Variants in PACRG observed in about 807,000 individuals in gnomAD.
PACRG encodes parkin coregulated.
In PACRG, 29 loss-of-function variants were observed where a neutral mutation model predicts 29.7. The observed-to-expected ratio is 0.98, with a 90% CI of 0.73 to 1.33. PACRG has a LOEUF of 1.33. Among genes scored for constraint, PACRG ranks in the 40% most tolerant of loss-of-function variants. PACRG has a pLI of 0.00. For missense variants in PACRG, 279 were observed against 316.2 expected (o/e 0.88, Z 0.89); for synonymous variants, 116 against 118.7 (o/e 0.98, Z 0.15).
rs553351270 is a variant in PACRG, at chr6:163,101,060, A to C, written c.613+11652A>C. 4.1e-6 allele frequency: 4 copies of C among 982,438 alleles called. No individual in the cohort carries two copies. In the African/African-American group the frequency reaches 7.0e-5, roughly 17 times the overall value. 60.9% of individuals were successfully genotyped at this position (982,438 alleles called of 1,614,324 possible). On this transcript the variant is annotated intron_variant, in intron 4 of 4. Transcript: ENST00000366888. The stretch of plus-strand genomic sequence containing the variant: ...AGCTTTAGTGAGCATATTTATATTC[A>C]TTTTGAGGCGGTCATACAATGAAAT...
chr6:163,049,881 A>G (rs535506426), intron 2 of PACRG, among the ~76,000 whole-genome samples: 41 of 152,202 alleles, frequency 2.7e-4, no homozygotes, highest in Admixed American at 1.0e-3. Flanking sequence ...GGCAATATGT[A>G]TCAAAATGAC....
At chr6:162,755,541 T>A (rs985711657) in intron 1 of PACRG, among the ~76,000 whole-genome samples, 1 of 152,158 alleles carries the variant, frequency 6.6e-6, no homozygotes, top group African/African-American at 2.4e-5. Flanking sequence ...GTTCAAGTGA[T>A]TCTCCTGCCT....
chr6:162,979,828 A>G (rs1211591060), intron 2 of PACRG, among the ~76,000 whole-genome samples: 5 of 152,102 alleles, frequency 3.3e-5, no homozygotes, highest in African/African-American at 1.2e-4. Flanking sequence ...TGAAAGTTTA[A>G]TGTGCTTTCT....
intron 2 of PACRG, among the ~76,000 whole-genome samples, chr6:162,925,162 G>T (rs1189196005): frequency 1.3e-5 from 2 of 152,108 alleles, no homozygotes; most frequent in Non-Finnish European, 2.9e-5. Flanking sequence ...TGAAATTGAG[G>T]CAGTAATAAA....
At chr6:163,234,374 G>A (rs1353481541) in intron 4 of PACRG, among the ~76,000 whole-genome samples, 1 of 152,016 alleles carries the variant, frequency 6.6e-6, no homozygotes, top group Admixed American at 6.6e-5. Context: ...AAAGAACCTG[G>A]CAGCTCCTCC....
intron 3 of PACRG, among the ~76,000 whole-genome samples, chr6:163,079,179 A>G (rs1205674831): frequency 1.3e-5 from 2 of 152,244 alleles, no homozygotes; most frequent in South Asian, 2.1e-4. Flanking sequence ...AATTATTTTT[A>G]TATCCTTGGT....
chr6:163,096,639 G>T (rs1177603468), intron 4 of PACRG, among the ~76,000 whole-genome samples: 2 of 152,134 alleles, frequency 1.3e-5, no homozygotes, highest in Non-Finnish European at 2.9e-5. Flanking sequence ...TCATTGACTT[G>T]CAGAGAACTA....
At chr6:162,957,618 C>T (rs1043243640) in intron 2 of PACRG, 6 of 169,328 alleles carry the variant, frequency 3.5e-5, no homozygotes, top group Non-Finnish European at 6.3e-5. Flanking sequence ...AGAGGCTGTG[C>T]GTTTCCTAGG....
intron 2 of PACRG, among the ~76,000 whole-genome samples, chr6:163,023,020 T>A (rs1806782062): frequency 6.6e-6 from 1 of 152,220 alleles, no homozygotes; most frequent in Non-Finnish European, 1.5e-5. Flanking sequence ...AATGCAAATG[T>A]TAACATGCCT....
chr6:163,128,640 G>A (rs1490786323), intron 4 of PACRG, among the ~76,000 whole-genome samples: 4 of 152,208 alleles, frequency 2.6e-5, no homozygotes, highest in Non-Finnish European at 5.9e-5. Context: ...TGTTCACACA[G>A]AATTGTGCCT....
At chr6:162,814,468 GC>G (rs1477331512) in intron 2 of PACRG, 187 bp downstream of exon 2, 3 of 604,048 alleles carry the variant, frequency 5.0e-6, no homozygotes, top group Non-Finnish European at 7.9e-6. Flanking sequence ...TTAAATTATA[GC>G]CTGCAAAGAA....
At chr6:163,212,089 T>C (rs2128155129) in intron 4 of PACRG, among the ~76,000 whole-genome samples, 1 of 152,248 alleles carries the variant, frequency 6.6e-6, no homozygotes, top group South Asian at 2.1e-4. Flanking sequence ...AGCAGTGGGA[T>C]ATTGGTTACA....
chr6:163,308,299 AAGG>A (rs1785268331), intron 4 of PACRG, among the ~76,000 whole-genome samples: 1 of 152,268 alleles, frequency 6.6e-6, no homozygotes, highest in Non-Finnish European at 1.5e-5. Flanking sequence ...CTTAAAAAAC[AAGG>A]AGTAAATACA....
intron 4 of PACRG, among the ~76,000 whole-genome samples, chr6:163,229,399 A>C (rs6916948): frequency 6.6e-6 from 1 of 152,042 alleles, no homozygotes. Flanking sequence ...CAAAAAATCC[A>C]GTATTTGTGA....
At chr6:163,102,759 A>T (rs1049178276) in intron 4 of PACRG, among the ~76,000 whole-genome samples, 7 of 152,236 alleles carry the variant, frequency 4.6e-5, no homozygotes, top group Non-Finnish European at 8.8e-5. Flanking sequence ...AGGGAGGATG[A>T]TACATCACCT....
At chr6:162,794,428 G>A (rs1263563101) in intron 1 of PACRG, among the ~76,000 whole-genome samples, 1 of 152,068 alleles carries the variant, frequency 6.6e-6, no homozygotes, top group African/African-American at 2.4e-5. Flanking sequence ...GGCATCTCTT[G>A]ATGAGCAATC....
chr6:162,790,830 A>AT (rs2128325979), intron 1 of PACRG, among the ~76,000 whole-genome samples: 1 of 152,356 alleles, frequency 6.6e-6, no homozygotes, highest in African/African-American at 2.4e-5. Flanking sequence ...AAGCCGGAAG[A>AT]TAACTGAATA....
At chr6:163,230,535 G>A (rs533701576) in intron 4 of PACRG, among the ~76,000 whole-genome samples, 3 of 152,104 alleles carry the variant, frequency 2.0e-5, no homozygotes, top group East Asian at 1.9e-4. Context: ...TTATAGTTTC[G>A]ACTTTTGAAT....
intron 4 of PACRG, among the ~76,000 whole-genome samples, chr6:163,174,439 G>A (rs186738969): frequency 2.0e-5 from 3 of 152,316 alleles, no homozygotes; most frequent in South Asian, 2.1e-4. Context: ...CCTGGTCATA[G>A]AGTCACAGAC....
Sources: gnomAD v4.1 joint callset for allele counts (sites outside exome capture counted in the v4.1 genomes callset) on GRCh38, gnomAD v4.1.1 for gene constraint, MANE v1.5 for transcripts, NCBI Gene and HGNC (gene_info 2026-07-23, HGNC 2026-07-21) for gene names.